The following CCDC102B variants were observed in gnomAD, a reference collection of about 807,000 sequenced individuals.
CCDC102B encodes coiled-coil domain containing 102B.
CCDC102B carries 75 observed loss-of-function variants against 57.4 expected under a neutral mutation model. The observed-to-expected ratio is 1.31, with a 90% confidence interval of 1.08 to 1.58. The LOEUF is 1.58. Among genes scored for constraint, CCDC102B ranks in the 40% most tolerant of loss-of-function variants. The probability of loss-of-function intolerance (pLI) is 0.00; values close to 1 mark genes in which losing one functional copy is unlikely to be tolerated. For missense variants in CCDC102B, 636 were observed against 582.6 expected (o/e 1.09, Z -0.94); for synonymous variants, 206 against 201.9 (o/e 1.02, Z -0.17).
chr18:68,938,334 C>T (rs2049297337), intron 6 of CCDC102B, among the ~76,000 whole-genome samples: 1 of 151,684 alleles, frequency 6.6e-6, no homozygotes, highest in African/African-American at 2.4e-5. Flanking sequence ...TTTTAAATTC[C>T]CTGAGGGATG....
chr18:69,022,222 T>TATATATATATATATATATAA (rs1395799223), intron 7 of CCDC102B, among the ~76,000 whole-genome samples: 23 of 94,998 alleles, frequency 2.4e-4, no homozygotes, highest in Non-Finnish European at 3.3e-4. Flanking sequence ...TATATATATA[T>TATATATATATATATATATAA]AACACACACA....
chr18:69,026,418 G>A (rs1280927937), intron 7 of CCDC102B, among the ~76,000 whole-genome samples: 1 of 145,350 alleles, frequency 6.9e-6, no homozygotes, highest in Non-Finnish European at 1.5e-5. Context: ...GGTGAGCCGG[G>A]ATGACACCAA....
At chr18:69,026,916 G>A (rs934308266) in intron 7 of CCDC102B, among the ~76,000 whole-genome samples, 2 of 152,150 alleles carry the variant, frequency 1.3e-5, no homozygotes, top group South Asian at 2.1e-4. Context: ...ATGAGCACGG[G>A]GAAAGGTCTG....
At chr18:68,827,170 G>A (rs2036939099) in intron 1 of CCDC102B, among the ~76,000 whole-genome samples, 1 of 152,020 alleles carries the variant, frequency 6.6e-6, no homozygotes, top group Admixed American at 6.6e-5. Flanking sequence ...TTAAAAATTG[G>A]CTAAAGGAAA....
chr18:68,751,468 A>C (rs913883213), intron 2 of CCDC102B, among the ~76,000 whole-genome samples: 3 of 152,132 alleles, frequency 2.0e-5, no homozygotes, highest in African/African-American at 7.2e-5. Flanking sequence ...CAGAGAAATC[A>C]CCAAGAAAAA....
chr18:68,876,729 T>C (rs1035662136), intron 5 of CCDC102B, among the ~76,000 whole-genome samples: 19 of 152,186 alleles, frequency 1.2e-4, no homozygotes, highest in African/African-American at 4.6e-4. Flanking sequence ...GTGATATAGA[T>C]TTAAACATTC....
chr18:68,888,188 A>G (rs1245663509), intron 5 of CCDC102B, among the ~76,000 whole-genome samples: 1 of 152,192 alleles, frequency 6.6e-6, no homozygotes, highest in African/African-American at 2.4e-5. Flanking sequence ...ATAGTAGCCT[A>G]TGTAAGAAAT....
chr18:69,051,885 T>G (rs1176437947), intron 7 of CCDC102B, among the ~76,000 whole-genome samples: 1 of 151,732 alleles, frequency 6.6e-6, no homozygotes, highest in Non-Finnish European at 1.5e-5. Flanking sequence ...AATTAACTCC[T>G]GCTTGATCAA....
At chr18:68,800,784 A>G (rs7231644) in intron 1 of CCDC102B, among the ~76,000 whole-genome samples, 30,635 of 152,122 alleles carry the variant, frequency 0.2, 3,252 homozygotes, top group East Asian at 0.4. Context: ...TCATTTCAAT[A>G]GGTGAAAAGC....
At chr18:68,730,562 A>G (rs959360706) in intron 2 of CCDC102B, among the ~76,000 whole-genome samples, 3 of 152,204 alleles carry the variant, frequency 2.0e-5, no homozygotes, top group African/African-American at 7.2e-5. Context: ...AGATAGATGC[A>G]GCTTACTCAA....
At chr18:68,823,944 A>G (rs1411923771) in intron 1 of CCDC102B, among the ~76,000 whole-genome samples, 2 of 151,850 alleles carry the variant, frequency 1.3e-5, no homozygotes, top group African/African-American at 4.8e-5. Context: ...TAAGCATTCT[A>G]GATATCAGAC....
At chr18:68,889,149 A>G (rs142502517) in intron 5 of CCDC102B, among the ~76,000 whole-genome samples, 363 of 152,244 alleles carry the variant, frequency 2.4e-3, no homozygotes, top group Non-Finnish European at 2.4e-3. Context: ...TTCTGCCAAA[A>G]TTCACATATT....
upstream of CCDC102B, among the ~76,000 whole-genome samples, chr18:68,797,745 G>T (rs371380914): frequency 7.1e-6 from 1 of 141,412 alleles, no homozygotes; most frequent in Non-Finnish European, 1.5e-5. Flanking sequence ...TTTCAGATAG[G>T]TACTTCCTGG....
At chr18:68,810,703 T>TATG (rs2036227094) in intron 1 of CCDC102B, among the ~76,000 whole-genome samples, 1 of 131,564 alleles carries the variant, frequency 7.6e-6, no homozygotes, top group African/African-American at 2.7e-5. Context: ...TTTTTTTTTT[T>TATG]TTTTATGCTT....
intron 3 of CCDC102B, among the ~76,000 whole-genome samples, chr18:68,845,006 T>C (rs2037797809): frequency 6.6e-6 from 1 of 151,912 alleles, no homozygotes; most frequent in African/African-American, 2.4e-5. Context: ...TAAGTGGTGC[T>C]TTGCACCATT....
chr18:68,730,642 T>C (rs1271341911), intron 2 of CCDC102B, among the ~76,000 whole-genome samples: 1 of 152,198 alleles, frequency 6.6e-6, no homozygotes, highest in Non-Finnish European at 1.5e-5. Flanking sequence ...ATGTTAAACA[T>C]TAATGTAATC....
chr18:68,859,026 G>T (rs560084154), intron 4 of CCDC102B: 2 of 152,544 alleles, frequency 1.3e-5, no homozygotes, highest in Admixed American at 1.3e-4. Flanking sequence ...AATTCGTGAA[G>T]CGTTCCATAT....
At chr18:68,810,831 C>T (rs1037974448) in intron 1 of CCDC102B, among the ~76,000 whole-genome samples, 24 of 151,980 alleles carry the variant, frequency 1.6e-4, no homozygotes, top group African/African-American at 5.8e-4. Flanking sequence ...CTAATGCTAT[C>T]CCTCCCCTTG....
intron 6 of CCDC102B, among the ~76,000 whole-genome samples, chr18:68,997,055 C>A (rs1356413732): frequency 6.6e-6 from 1 of 152,072 alleles, no homozygotes; most frequent in Non-Finnish European, 1.5e-5. Context: ...GACTCCTTCC[C>A]CTTTGTTCAG....
Sources: allele counts gnomAD v4.1 joint callset (sites outside exome capture counted in the v4.1 genomes callset), GRCh38; gene constraint gnomAD v4.1.1; transcripts MANE v1.5; gene names NCBI Gene and HGNC (gene_info 2026-07-23, HGNC 2026-07-21).